Variants in TRIO observed in about 807,000 individuals in gnomAD.
The protein encoded by TRIO is trio Rho guanine nucleotide exchange factor, also known as triple functional domain protein.
Under a neutral mutation model 351.9 loss-of-function variants are expected in TRIO, and 58 were observed. The ratio of observed to expected loss-of-function variants is 0.16; its 90% CI spans 0.13 to 0.21. TRIO has a LOEUF of 0.21. Among genes scored for constraint, TRIO ranks in the 10% least tolerant of loss-of-function variants. The probability of loss-of-function intolerance (pLI) is 1.00; values close to 1 mark genes in which losing one functional copy is unlikely to be tolerated. For missense variants in TRIO, 3,201 were observed against 4,027.8 expected, an observed-to-expected ratio of 0.79 and a Z score of 5.56; for synonymous variants, 1,758 against 1,595.7, an observed-to-expected ratio of 1.10 and a Z score of -2.42.
intron 1 of TRIO, among the ~76,000 whole-genome samples, chr5:14,197,248 T>C (rs1334627469): frequency 2.0e-5 from 3 of 152,202 alleles, no homozygotes; most frequent in Admixed American, 6.5e-5. Flanking sequence ...GAGCACCAGA[T>C]ACTGATTTGT....
chr5:14,421,741 G>T (rs60241562), intron 34 of TRIO, among the ~76,000 whole-genome samples: 2,100 of 152,268 alleles, frequency 0.014, 53 homozygotes, highest in African/African-American at 0.049. Context: ...TAGGGCGTGG[G>T]TGAGGTCCTG....
intron 32 of TRIO, 77 bp downstream of exon 32, chr5:14,406,067 A>G (rs1316189138): frequency 7.1e-6 from 11 of 1,544,448 alleles, no homozygotes; most frequent in East Asian, 6.9e-5. Context: ...CCCTGCTTCA[A>G]AAATCCTTTC....
intron 11 of TRIO, among the ~76,000 whole-genome samples, chr5:14,350,409 A>T (rs1579398207): frequency 6.6e-6 from 1 of 152,138 alleles, no homozygotes; most frequent in Non-Finnish European, 1.5e-5. Context: ...TGGAAAGAAA[A>T]TAAAAAAAAC....
intron 1 of TRIO, among the ~76,000 whole-genome samples, chr5:14,159,405 A>G (rs1310530826): frequency 2.0e-5 from 3 of 151,752 alleles, no homozygotes; most frequent in East Asian, 3.9e-4. Context: ...AGTGAAGAGC[A>G]TAGCTGAAAA....
chr5:14,225,268 G>A (rs191051258), intron 1 of TRIO, among the ~76,000 whole-genome samples: 1 of 152,304 alleles, frequency 6.6e-6, no homozygotes, highest in Non-Finnish European at 1.5e-5. Context: ...AAAGTAAAAA[G>A]CAGGTGGAGT....
chr5:14,374,436 C>A, intron 19 of TRIO, 93 bp downstream of exon 19: 1 of 800,386 alleles, frequency 1.2e-6, no homozygotes, highest in South Asian at 1.9e-5. Context: ...CTCTCAACTT[C>A]AGTTTCATTT....
rs776281442 is a variant in TRIO at position 14,459,304 on chromosome 5, G to A, written c.5204-1715G>A. Among the ~76,000 whole-genome samples the A allele has an allele frequency of 3.3e-5, 5 of 152,232 alleles. No homozygotes were observed. The South Asian group carries it at 8.3e-4, about 25-fold the overall frequency. On this transcript the variant is annotated intron_variant, in intron 34 of 56. Coordinates refer to ENST00000344204, the MANE Select transcript of TRIO (RefSeq NM_007118.4). ...GGGAATGGCGTCCAGAGCCAGAGAG[G>A]CAGTGCAGCCCCTACAGGTATCTGT...
intron 10 of TRIO, among the ~76,000 whole-genome samples, chr5:14,332,439 A>G (rs1581637376): frequency 6.6e-6 from 1 of 152,322 alleles, no homozygotes; most frequent in Middle Eastern, 3.4e-3. Flanking sequence ...ACGTGGACAT[A>G]CAGAATGTCC....
At chr5:14,373,012 C>T (rs890921956) in intron 18 of TRIO, among the ~76,000 whole-genome samples, 1 of 152,276 alleles carries the variant, frequency 6.6e-6, no homozygotes, top group East Asian at 1.9e-4. Context: ...CAAACACGTC[C>T]TTCTTCACAT....
At chr5:14,323,751 A>T (rs575072093) in intron 9 of TRIO, among the ~76,000 whole-genome samples, 11 of 152,254 alleles carry the variant, frequency 7.2e-5, no homozygotes, top group South Asian at 4.1e-4. Flanking sequence ...CCAGAGCACT[A>T]GGAAAGAAAG....
At chr5:14,366,509 T>C (rs1206036804) in intron 15 of TRIO, among the ~76,000 whole-genome samples, 1 of 152,196 alleles carries the variant, frequency 6.6e-6, no homozygotes, top group East Asian at 1.9e-4. Context: ...GAATGAAAAA[T>C]ATTTTTCTTG....
In TRIO at chr5:14,488,152, C is replaced by T. The variant is rs536592269; in HGVS notation, c.7524C>T (p.Ser2508=). The T allele has an allele frequency of 2.5e-6, 4 of 1,606,518 alleles. No homozygotes were observed. The highest frequency in any genetic ancestry group is 2.2e-5 in the East Asian group (1 of 44,844). Residue 2508 remains serine (S), a synonymous_variant, in exon 48 of 57, where the codon TCC becomes TCT. Transcript: ENST00000344204. The stretch of plus-strand genomic sequence containing the variant: ...TCACCTTCCCGGGGGACAGCGACTC[C>T]CTCCAGCGGCAGACACCCCGCCACG... ...GSFTFPGDSD[S]LQRQTPRHAA...
At chr5:14,306,578 T>A (rs1738394237) in intron 8 of TRIO, among the ~76,000 whole-genome samples, 1 of 152,230 alleles carries the variant, frequency 6.6e-6, no homozygotes, top group African/African-American at 2.4e-5. Flanking sequence ...TTGGAGCTGT[T>A]CTTTGAATGC....
intron 1 of TRIO, among the ~76,000 whole-genome samples, chr5:14,244,397 G>C (rs1360097597): frequency 6.6e-6 from 1 of 152,206 alleles, no homozygotes; most frequent in Non-Finnish European, 1.5e-5. Context: ...AAGCTATAGA[G>C]AATGTAGAAA....
intron 11 of TRIO, among the ~76,000 whole-genome samples, chr5:14,346,241 T>A (rs1742403033): frequency 6.6e-6 from 1 of 152,234 alleles, no homozygotes; most frequent in Non-Finnish European, 1.5e-5. Context: ...AGAGCTGTGA[T>A]GTTGATGAAC....
At chr5:14,494,764 T>C (rs1756751947) in intron 49 of TRIO, among the ~76,000 whole-genome samples, 1 of 152,144 alleles carries the variant, frequency 6.6e-6, no homozygotes, top group South Asian at 2.1e-4. Flanking sequence ...CTGGGCATGG[T>C]GGCATGTGTC....
intron 1 of TRIO, among the ~76,000 whole-genome samples, chr5:14,228,520 C>T (rs897357366): frequency 2.6e-5 from 4 of 152,238 alleles, no homozygotes; most frequent in African/African-American, 7.2e-5. Flanking sequence ...CTGAAAGTCA[C>T]TCAGTAGCCC....
chr5:14,299,364 C>T (rs1251168140), intron 7 of TRIO, among the ~76,000 whole-genome samples: 1 of 152,116 alleles, frequency 6.6e-6, no homozygotes, highest in Non-Finnish European at 1.5e-5. Flanking sequence ...GAGAAGAAGC[C>T]AAATAGGAGT....
chr5:14,253,697 T>G (rs1794872310), intron 1 of TRIO, among the ~76,000 whole-genome samples: 1 of 152,236 alleles, frequency 6.6e-6, no homozygotes, highest in South Asian at 2.1e-4. Flanking sequence ...AAAGCGGCAA[T>G]TCTCAAAGTG....
Sources: allele counts gnomAD v4.1 joint callset (sites outside exome capture counted in the v4.1 genomes callset), GRCh38; gene constraint gnomAD v4.1.1; transcripts MANE v1.5; gene names NCBI Gene and HGNC (gene_info 2026-07-23, HGNC 2026-07-21).